KLF12: variants seen among roughly 807,000 people sequenced by gnomAD.
KLF12 encodes Krueppel-like factor 12.
KLF12 carries 9 observed loss-of-function variants against 37.8 expected under a neutral mutation model. The observed-to-expected ratio is 0.24, with a 90% CI of 0.14 to 0.42. KLF12 has a LOEUF of 0.42. Ranked by LOEUF, KLF12 falls within the 10% of genes least tolerant of loss-of-function variation. KLF12 has a pLI of 1.00. For missense variants in KLF12, 411 were observed against 516.0 expected, an observed-to-expected ratio of 0.80 and a Z score of 1.97; for synonymous variants, 208 against 202.1, an observed-to-expected ratio of 1.03 and a Z score of -0.25.
chr13:73,954,701 G>A (rs1029147125), intron 2 of KLF12, among the ~76,000 whole-genome samples: 2 of 152,246 alleles, frequency 1.3e-5, no homozygotes, highest in South Asian at 4.2e-4. Flanking sequence ...AAGATATCTT[G>A]CATTTCTATG....
chr13:74,137,461 A>C (rs1194024850), upstream of KLF12, among the ~76,000 whole-genome samples: 1 of 152,246 alleles, frequency 6.6e-6, no homozygotes, highest in Non-Finnish European at 1.5e-5. Flanking sequence ...AAGAAGGATG[A>C]ATTATGAACA....
the KLF12 span, among the ~76,000 whole-genome samples, chr13:74,248,102 G>C: frequency 1.3e-5 from 2 of 152,286 alleles, no homozygotes; most frequent in African/African-American, 4.8e-5. Flanking sequence ...TTGGGGAGGA[G>C]AGCTGGTTAT....
At chr13:74,143,151 T>A in the KLF12 span, among the ~76,000 whole-genome samples, 1 of 151,548 alleles carries the variant, frequency 6.6e-6, no homozygotes, top group Non-Finnish European at 1.5e-5. Flanking sequence ...CGTCTTCTTC[T>A]CCTTCCTCTT....
the KLF12 span, among the ~76,000 whole-genome samples, chr13:74,216,131 C>T: frequency 6.6e-6 from 1 of 152,342 alleles, no homozygotes; most frequent in African/African-American, 2.4e-5. Context: ...CCTTTCTATA[C>T]TCCACTAACT....
At chr13:73,734,964 C>T (rs1419159315) in intron 6 of KLF12, among the ~76,000 whole-genome samples, 2 of 151,914 alleles carry the variant, frequency 1.3e-5, no homozygotes, top group African/African-American at 4.8e-5. Flanking sequence ...TTGGAGGCCA[C>T]AGAGAATTAT....
chr13:74,243,424 T>G, the KLF12 span, among the ~76,000 whole-genome samples: 2 of 152,214 alleles, frequency 1.3e-5, no homozygotes, highest in Non-Finnish European at 2.9e-5. Flanking sequence ...TATGTGTGCA[T>G]GTGTCTTTAT....
chr13:73,955,968 T>G (rs1890818948), intron 2 of KLF12, among the ~76,000 whole-genome samples: 1 of 152,228 alleles, frequency 6.6e-6, no homozygotes, highest in East Asian at 1.9e-4. Context: ...CATGCTTGTC[T>G]CTTCTTGGAA....
At chr13:73,713,937 A>G (rs1329964006) in intron 7 of KLF12, among the ~76,000 whole-genome samples, 1 of 152,208 alleles carries the variant, frequency 6.6e-6, no homozygotes, top group African/African-American at 2.4e-5. Flanking sequence ...ATGCTCCTAT[A>G]AAGTCAGTAA....
At chr13:74,215,427 CTTTTTTTTTTT>C in the KLF12 span, among the ~76,000 whole-genome samples, 13 of 60,382 alleles carry the variant, frequency 2.2e-4, no homozygotes, top group African/African-American at 2.9e-4. Context: ...CCTCTGGGTT[CTTTTTTTTTTT>C]TTTTTTTTTT....
chr13:73,998,648 T>C (rs1026205326), intron 1 of KLF12, among the ~76,000 whole-genome samples: 2 of 152,248 alleles, frequency 1.3e-5, no homozygotes, highest in African/African-American at 4.8e-5. Context: ...ACTAGGGAAG[T>C]TGACAGGCAG....
intron 3 of KLF12, among the ~76,000 whole-genome samples, chr13:73,900,933 G>T (rs1888013294): frequency 6.6e-6 from 1 of 152,104 alleles, no homozygotes; most frequent in African/African-American, 2.4e-5. Flanking sequence ...TTTAAAACCA[G>T]AAGATAAATT....
At chr13:73,902,951 A>G (rs1235353038) in intron 3 of KLF12, among the ~76,000 whole-genome samples, 1 of 152,234 alleles carries the variant, frequency 6.6e-6, no homozygotes, top group Non-Finnish European at 1.5e-5. Context: ...AGAACTGCTG[A>G]GACATCTATC....
the KLF12 span, among the ~76,000 whole-genome samples, chr13:74,262,030 C>T: frequency 6.6e-6 from 1 of 152,250 alleles, no homozygotes; most frequent in Admixed American, 6.5e-5. Flanking sequence ...TGCACTGGGG[C>T]CTCTCTTTTT....
At chr13:74,037,934 G>A (rs1360271510) in intron 1 of KLF12, among the ~76,000 whole-genome samples, 2 of 152,084 alleles carry the variant, frequency 1.3e-5, no homozygotes, top group African/African-American at 4.8e-5. Context: ...TGTTATGAGG[G>A]GTCAGGGTTA....
the KLF12 span, among the ~76,000 whole-genome samples, chr13:74,195,028 G>A: frequency 6.6e-6 from 1 of 152,126 alleles, no homozygotes; most frequent in African/African-American, 2.4e-5. Flanking sequence ...AAAAGGCATC[G>A]CGGAAAGCAG....
the KLF12 span, among the ~76,000 whole-genome samples, chr13:74,143,025 T>A: frequency 4.1e-5 from 6 of 145,066 alleles, no homozygotes; most frequent in Non-Finnish European, 7.6e-5. Flanking sequence ...CCTCCCTCCC[T>A]CCTTCCTTCC....
At chr13:73,976,163 C>T (rs9543504) in intron 2 of KLF12, among the ~76,000 whole-genome samples, 111,763 of 142,762 alleles carry the variant, frequency 0.78, 42,475 homozygotes, top group East Asian at 0.9. Flanking sequence ...TTTTTTTTTT[C>T]CCCCCACAGC....
At chr13:74,195,708 C>T in the KLF12 span, among the ~76,000 whole-genome samples, 2 of 152,112 alleles carry the variant, frequency 1.3e-5, no homozygotes, top group Non-Finnish European at 2.9e-5. Flanking sequence ...AAGTGATTCT[C>T]CTGCCTCAGC....
chr13:73,793,382 T>A (rs1039649889), intron 5 of KLF12, among the ~76,000 whole-genome samples: 2 of 152,164 alleles, frequency 1.3e-5, no homozygotes, highest in South Asian at 2.1e-4. Context: ...TTTTAAAAAA[T>A]TAAAATTCAT....
Sources: allele counts gnomAD v4.1 joint callset (sites outside exome capture counted in the v4.1 genomes callset), GRCh38; gene constraint gnomAD v4.1.1; transcripts MANE v1.5; gene names NCBI Gene and HGNC (gene_info 2026-07-23, HGNC 2026-07-21).